Variants in SNTG1 observed in about 807,000 individuals in gnomAD.
The protein encoded by SNTG1 is syntrophin gamma 1.
Under a neutral mutation model 74.7 loss-of-function variants are expected in SNTG1, and 39 were observed. That is an observed-to-expected ratio of 0.52 (90% CI 0.40 to 0.68). SNTG1 has a LOEUF of 0.68. Ranked by LOEUF, SNTG1 falls within the 30% of genes least tolerant of loss-of-function variation. The pLI, the probability that SNTG1 is intolerant of heterozygous loss-of-function variation, is 0.00. For missense variants in SNTG1, 685 were observed against 609.5 expected (o/e 1.12, Z -1.30); for synonymous variants, 254 against 217.1 (o/e 1.17, Z -1.49).
intron 12 of SNTG1, among the ~76,000 whole-genome samples, chr8:50,574,487 A>C (rs1348001386): frequency 6.6e-6 from 1 of 152,122 alleles, no homozygotes; most frequent in African/African-American, 2.4e-5. Flanking sequence ...AGCAACAATA[A>C]TGGCTCATGA....
Position 50,313,295 on chromosome 8 carries a change from C to T in SNTG1, c.-27-80917C>T, listed in dbSNP as rs2090186168. Among the ~76,000 whole-genome samples, 4 of 149,690 alleles carry T rather than the reference C, an allele frequency of 2.7e-5. 1 individual carries two copies. Among genetic ancestry groups the T allele is most frequent in the African/African-American group, 7.5e-5 (3 of 40,160 alleles). The stretch of plus-strand genomic sequence containing the variant: ...TATGACACCAAAAAGCACAGGAAAC[C>T]AAAGCAAAAATACACAAATGGGGTT... On this transcript the variant is annotated intron_variant, in intron 2 of 18. Transcript: ENST00000642720.
intron 1 of SNTG1, among the ~76,000 whole-genome samples, chr8:50,166,903 A>C (rs930369192): frequency 6.6e-6 from 1 of 151,162 alleles, no homozygotes; most frequent in African/African-American, 2.5e-5. Context: ...CTGGATTAAG[A>C]AAATGTGGCA....
chr8:50,597,844 G>T (rs1252243094), intron 13 of SNTG1, among the ~76,000 whole-genome samples: 1 of 151,744 alleles, frequency 6.6e-6, no homozygotes, highest in Admixed American at 6.6e-5. Flanking sequence ...GTAAATGTTG[G>T]CCATTTGTAT....
intron 15 of SNTG1, among the ~76,000 whole-genome samples, chr8:50,695,646 T>C (rs2131474985): frequency 6.6e-6 from 1 of 151,946 alleles, no homozygotes; most frequent in East Asian, 1.9e-4. Context: ...TTTGAAGTCT[T>C]CAATGTCTAT....
At chr8:50,240,035 A>G (rs2086099150) in intron 2 of SNTG1, among the ~76,000 whole-genome samples, 1 of 152,212 alleles carries the variant, frequency 6.6e-6, no homozygotes, top group Non-Finnish European at 1.5e-5. Context: ...AGGAAGTTGT[A>G]GGTATATTTG....
intron 1 of SNTG1, among the ~76,000 whole-genome samples, chr8:50,058,578 C>T (rs1326346662): frequency 2.0e-5 from 3 of 152,244 alleles, no homozygotes; most frequent in East Asian, 3.9e-4. Context: ...TGAGGATTGA[C>T]ATGCAGTTGT....
intron 12 of SNTG1, among the ~76,000 whole-genome samples, chr8:50,570,294 T>G (rs887779869): frequency 3.5e-5 from 2 of 57,860 alleles, no homozygotes; most frequent in Non-Finnish European, 4.7e-5. Context: ...AGTCTCGCTC[T>G]GTCACCCAGG....
intron 17 of SNTG1, chr8:50,747,625 ACTT>A (rs2095558087): frequency 1.3e-5 from 2 of 152,168 alleles, no homozygotes; most frequent in Admixed American, 1.3e-4. Flanking sequence ...TACCTCTGTT[ACTT>A]TAATTCTTAA....
At chr8:50,518,476 TAGAG>T (rs985630339) in intron 9 of SNTG1, among the ~76,000 whole-genome samples, 28 of 152,000 alleles carry the variant, frequency 1.8e-4, no homozygotes, top group African/African-American at 6.5e-4. Flanking sequence ...CTTAAGGAGA[TAGAG>T]ACTCAAAAAA....
chr8:50,292,718 C>T (rs757412227), intron 2 of SNTG1, among the ~76,000 whole-genome samples: 2 of 152,018 alleles, frequency 1.3e-5, no homozygotes, highest in Admixed American at 6.6e-5. Flanking sequence ...GGAGAGGCTC[C>T]GTGAGTTTAA....
chr8:50,281,641 T>C lies in SNTG1; in HGVS notation c.-28+109006T>C, dbSNP rs555900259. Among the ~76,000 whole-genome samples, 5 of 152,304 alleles carry C rather than the reference T, an allele frequency of 3.3e-5. No homozygotes were observed. In the South Asian group the frequency reaches 8.3e-4, roughly 25 times the overall value. On this transcript the variant is annotated intron_variant, in intron 2 of 18. Coordinates refer to ENST00000642720, the MANE Select transcript of SNTG1 (RefSeq NM_018967.5). Reference sequence around the variant, plus strand: ...GAAGAATTCCGAATCCAGTTTACTTTATGGATAGGTAACAGTAGTTCAAGG... The same window carrying C: ...GAAGAATTCCGAATCCAGTTTACTTCATGGATAGGTAACAGTAGTTCAAGG...
intron 1 of SNTG1, among the ~76,000 whole-genome samples, chr8:49,935,932 G>T (rs868824675): frequency 4.6e-5 from 7 of 152,154 alleles, no homozygotes; most frequent in African/African-American, 1.7e-4. Context: ...TGCAATATCT[G>T]CGATCTTCCC....
At position 50,792,746 on chromosome 8, in the gene SNTG1, G is replaced by T; in HGVS notation, c.1471G>T (p.Asp491Tyr). 6.2e-7 allele frequency: 1 copy of T among 1,612,386 alleles called. No homozygotes were observed. Among genetic ancestry groups the T allele is most frequent in the Admixed American group, 1.7e-5 (1 of 59,832 alleles). ...CTTTGCTGCCAAGGTAGCTTGTTTG[G>T]ACCCTCTATTTTTAGGCAATCAAGC... The part of the protein sequence containing the change: ...SFFAAKVACL[D>Y]PLFLGNQATA... Residue 491 changes from aspartate (D) to tyrosine (Y), a missense_variant, in exon 19 of 19, where the codon GAC becomes TAC. By Grantham distance (160) the Asp-to-Tyr change is radical (BLOSUM62 -3). Transcript: ENST00000642720.
rs1465482233 is a variant in SNTG1, at chr8:50,222,668, G to A, written c.-28+50033G>A. ...TGTGGGGACATTAGTTTGCCGCTAG[G>A]GATTGCCAAGGTAGTGACCAGCCAC... On this transcript the variant is annotated intron_variant, in intron 2 of 18. Transcript: ENST00000642720. Among the ~76,000 whole-genome samples, 3 of 152,060 alleles carry A rather than the reference G, an allele frequency of 2.0e-5. No individual in the cohort carries two copies. The East Asian group carries it at 5.8e-4, about 29-fold the overall frequency.
chr8:50,724,416 G>A (rs1231475792), intron 17 of SNTG1, among the ~76,000 whole-genome samples: 2 of 152,260 alleles, frequency 1.3e-5, no homozygotes, highest in Non-Finnish European at 2.9e-5. Context: ...CATGCAATTT[G>A]CTGCCCAAGA....
At chr8:50,291,242 A>G (rs971747184) in intron 2 of SNTG1, among the ~76,000 whole-genome samples, 17 of 149,184 alleles carry the variant, frequency 1.1e-4, no homozygotes, top group African/African-American at 3.0e-4. Context: ...AGACAGACAT[A>G]TGTGTGTGTG....
chr8:50,541,849 C>A (rs1158011365), intron 11 of SNTG1, among the ~76,000 whole-genome samples: 1 of 151,756 alleles, frequency 6.6e-6, no homozygotes, highest in Admixed American at 6.6e-5. Flanking sequence ...GGGTAATGAA[C>A]AATTTACTAG....
chr8:50,570,585 A>ATTATTG (rs1554577422), intron 12 of SNTG1, among the ~76,000 whole-genome samples: 36 of 127,114 alleles, frequency 2.8e-4, no homozygotes, highest in South Asian at 7.7e-4. Flanking sequence ...TATTATTATT[A>ATTATTG]TTGTTGTTAT....
intron 13 of SNTG1, among the ~76,000 whole-genome samples, chr8:50,654,010 C>A (rs1331359788): frequency 6.6e-6 from 1 of 152,012 alleles, no homozygotes; most frequent in Non-Finnish European, 1.5e-5. Flanking sequence ...TTTTACTATG[C>A]TCTTTGCTGT....
Sources: gnomAD v4.1 joint callset for allele counts (sites outside exome capture counted in the v4.1 genomes callset) on GRCh38, gnomAD v4.1.1 for gene constraint, MANE v1.5 for transcripts, NCBI Gene and HGNC (gene_info 2026-07-23, HGNC 2026-07-21) for gene names.